C2CD5: variants seen among roughly 807,000 people sequenced by gnomAD.
C2CD5 encodes C2 domain-containing protein 5.
C2CD5 carries 109 observed loss-of-function variants against 130.3 expected under a neutral mutation model. That is an observed-to-expected ratio of 0.84 (90% confidence interval 0.72 to 0.98). The LOEUF (loss-of-function observed/expected upper bound fraction) is 0.98, where lower values mean the gene tolerates loss of function less well. Ranked by LOEUF, C2CD5 falls within the 50% of genes least tolerant of loss-of-function variation. The probability of loss-of-function intolerance (pLI) is 0.00; values close to 1 mark genes in which losing one functional copy is unlikely to be tolerated. For synonymous variants in C2CD5, 454 were observed against 429.2 expected (o/e 1.06, Z -0.71); for missense variants, 996 against 1,261.8 (o/e 0.79, Z 3.19).
At position 22,513,333 on chromosome 12, in the gene C2CD5, A is replaced by T; in HGVS notation, c.999T>A (p.Ala333=). The T allele has an allele frequency of 6.2e-7, 1 of 1,612,458 alleles. No individual in the cohort carries two copies. Among genetic ancestry groups the T allele is most frequent in the Non-Finnish European group, 8.5e-7 (1 of 1,178,636 alleles). The part of the protein sequence containing the change: ...SAGKEGGPFK[A]LLRQQTQSAL... Reference sequence around the variant, plus strand: ...CTGATTGAGTCTGTTGTCTTAAAAGAGCTTTAAAGGGCCCCCCTTCTTTTC... The same window carrying T: ...CTGATTGAGTCTGTTGTCTTAAAAGTGCTTTAAAGGGCCCCCCTTCTTTTC... Residue 333 remains alanine (A), a synonymous_variant, in exon 9 of 27, where the codon GCT becomes GCA. Transcript: ENST00000446597.
At chr12:22,513,537 AC>A (rs1436766919) in intron 8 of C2CD5, 158 bp from the exon 9 acceptor site, 5 of 599,782 alleles carry the variant, frequency 8.3e-6, no homozygotes, top group Non-Finnish European at 1.5e-5. Flanking sequence ...ATTTTACTCT[AC>A]TTTTATTCAC....
intron 7 of C2CD5, among the ~76,000 whole-genome samples, chr12:22,519,520 C>T (rs1368021083): frequency 6.6e-6 from 1 of 151,722 alleles, no homozygotes; most frequent in African/African-American, 2.4e-5. Flanking sequence ...TAAATGAGAA[C>T]AAGACTAAGA....
intron 12 of C2CD5, 53 bp downstream of exon 12, chr12:22,490,070 C>T (rs182450015): frequency 2.5e-4 from 337 of 1,336,466 alleles, no homozygotes; most frequent in Non-Finnish European, 3.2e-4. Context: ...GAAAAAAAGT[C>T]GACCTCTCCC....
At chr12:22,533,587 C>G (rs1265645621) in intron 3 of C2CD5, among the ~76,000 whole-genome samples, 2 of 152,120 alleles carry the variant, frequency 1.3e-5, no homozygotes, top group African/African-American at 2.4e-5. Flanking sequence ...GACATCCTAA[C>G]AGTAACACAA....
chr12:22,477,135 A>C (rs1943960951), intron 15 of C2CD5: 1 of 152,184 alleles, frequency 6.6e-6, no homozygotes, highest in Admixed American at 6.5e-5. Context: ...TTTTAATAAA[A>C]CATTTTATTT....
intron 2 of C2CD5, among the ~76,000 whole-genome samples, chr12:22,538,411 A>AC (rs1565819497): frequency 2.6e-5 from 4 of 152,252 alleles, no homozygotes; most frequent in Non-Finnish European, 4.4e-5. Flanking sequence ...CAGATTTGGG[A>AC]ATAAACACAA....
chr12:22,535,211 T>A (rs1203110401), intron 3 of C2CD5, 47 bp downstream of exon 3: 4 of 970,872 alleles, frequency 4.1e-6, no homozygotes, highest in Non-Finnish European at 6.7e-6. Flanking sequence ...GGGAAAAGAG[T>A]CACCTCAAAA....
At chr12:22,542,034 T>A (rs1249489207) in intron 2 of C2CD5, among the ~76,000 whole-genome samples, 1 of 152,200 alleles carries the variant, frequency 6.6e-6, no homozygotes, top group Non-Finnish European at 1.5e-5. Context: ...AAGGCCTGAC[T>A]ATTTTAACCT....
chr12:22,484,893 A>G lies in C2CD5; in HGVS notation c.1359-5T>C. On this transcript the variant is annotated splice_polypyrimidine_tract_variant and splice_region_variant and intron_variant, in intron 12 of 26. Transcript: ENST00000446597. ...GTAGGCAAATTTTCTTCAAGCCTAT[A>G]TAAATAAATAAAAAAATAAGATATT... The G allele has an allele frequency of 7.3e-7, 1 of 1,367,184 alleles. No individual in the cohort carries two copies. 84.7% of individuals were successfully genotyped at this position (1,367,184 alleles called of 1,614,324 possible).
intron 4 of C2CD5, among the ~76,000 whole-genome samples, chr12:22,527,236 T>C (rs1445812553): frequency 6.6e-6 from 1 of 151,656 alleles, no homozygotes; most frequent in Non-Finnish European, 1.5e-5. Context: ...TCAAATTATG[T>C]TGAGAGAAGC....
intron 12 of C2CD5, among the ~76,000 whole-genome samples, chr12:22,488,415 G>C (rs1323093902): frequency 6.6e-6 from 1 of 151,628 alleles, no homozygotes; most frequent in Admixed American, 6.6e-5. Flanking sequence ...AGAAAGAAAA[G>C]GCATTTTCCT....
intron 20 of C2CD5, 60 bp from the exon 21 acceptor site, chr12:22,470,971 A>C: frequency 8.0e-7 from 1 of 1,254,180 alleles, no homozygotes; most frequent in Non-Finnish European, 1.2e-6. Context: ...TAAGTTTCTT[A>C]CATATTTTTT....
Position 22,544,106 on chromosome 12 carries a change from C to G in C2CD5, c.45G>C (p.Leu15Phe). 6.2e-7 allele frequency: 1 copy of G among 1,614,058 alleles called. No individual in the cohort carries two copies. The highest frequency in any genetic ancestry group is 8.5e-7 in the Non-Finnish European group (1 of 1,179,976). ...GGTCACTAGCACGGTCCATCACTGGCAAATGGCGCCCGGCCACGATTTTCA... is the reference window on the plus strand; with the variant it reads ...GGTCACTAGCACGGTCCATCACTGGGAAATGGCGCCCGGCCACGATTTTCA... ...LKVKIVAGRH[L>F]PVMDRASDLT... is the part of the protein sequence containing the mutation. Residue 15 changes from leucine (L) to phenylalanine (F), a missense_variant, in exon 2 of 27, where the codon TTG becomes TTC. Leu to Phe is a conservative substitution (Grantham distance 22). Around this residue, in one of 9 missense-constraint regions of C2CD5, gnomAD observed 68 missense variants for 154.5 expected, o/e 0.44. Coordinates refer to ENST00000446597, the MANE Select transcript of C2CD5 (RefSeq NM_001286176.2).
chr12:22,511,177 A>G (rs1156907050), intron 9 of C2CD5, among the ~76,000 whole-genome samples: 3 of 151,854 alleles, frequency 2.0e-5, no homozygotes, highest in African/African-American at 7.2e-5. Context: ...CCTCAAGAAA[A>G]AAAAAAAAAA....
intron 2 of C2CD5, among the ~76,000 whole-genome samples, chr12:22,543,425 T>C (rs1952603952): frequency 6.6e-6 from 1 of 152,246 alleles, no homozygotes; most frequent in African/African-American, 2.4e-5. Context: ...TACCAGCCTA[T>C]ACAAGAGCAG....
At chr12:22,465,589 G>A (rs12320920) in intron 22 of C2CD5, among the ~76,000 whole-genome samples, 23,885 of 151,758 alleles carry the variant, frequency 0.16, 3,733 homozygotes, top group African/African-American at 0.41. Context: ...TCTATGAGAA[G>A]AATCTCGCTG....
chr12:22,503,541 C>T (rs1336332503), intron 10 of C2CD5, among the ~76,000 whole-genome samples: 1 of 152,100 alleles, frequency 6.6e-6, no homozygotes, highest in Non-Finnish European at 1.5e-5. Context: ...GATGGAGTCT[C>T]CCTCTGTCAC....
In C2CD5 at chr12:22,544,417, CCCACAA is replaced by C. The variant is rs1952751103; in HGVS notation, c.-133_-128del. 2.9e-6 allele frequency: 1 copy of C among 343,910 alleles called. No individual in the cohort carries two copies. Among genetic ancestry groups the C allele is most frequent in the Non-Finnish European group, 5.2e-6 (1 of 190,724 alleles). 21.3% of individuals were successfully genotyped at this position (343,910 alleles called of 1,614,324 possible). ...CTTTGATGGGTTCTTCCGTCCCGGC[CCCACAA>C]GGCTGGGACGAAAAGCAAAACCCAG... On this transcript the variant is annotated 5_prime_UTR_variant, in exon 1 of 27. Coordinates refer to ENST00000446597, the MANE Select transcript of C2CD5 (RefSeq NM_001286176.2).
intron 23 of C2CD5, 171 bp from the exon 24 acceptor site, chr12:22,458,756 T>C (rs1314259548): frequency 5.6e-6 from 2 of 358,418 alleles, no homozygotes; most frequent in Non-Finnish European, 1.0e-5. Flanking sequence ...CTTTAGACAC[T>C]GATTTGTCCA....
Sources: gnomAD v4.1 joint callset for allele counts (sites outside exome capture counted in the v4.1 genomes callset) on GRCh38, gnomAD v4.1.1 for gene constraint, gnomAD v4.1.1 regional missense constraint, MANE v1.5 for transcripts, NCBI Gene and HGNC (gene_info 2026-07-23, HGNC 2026-07-21) for gene names.